MCPH1: variants seen among roughly 807,000 people sequenced by gnomAD.
MCPH1 encodes the protein microcephalin.
MCPH1 carries 104 observed loss-of-function variants against 84.5 expected under a neutral mutation model. That is an observed-to-expected ratio of 1.23 (90% CI 1.05 to 1.45). The LOEUF (loss-of-function observed/expected upper bound fraction) is 1.45, where lower values mean the gene tolerates loss of function less well. Among genes scored for constraint, MCPH1 ranks in the 40% most tolerant of loss-of-function variants. MCPH1 has a pLI of 0.00. For synonymous variants in MCPH1, 514 were observed against 366.8 expected, an observed-to-expected ratio of 1.40 and a Z score of -4.58; for missense variants, 1,498 against 1,005.7, an observed-to-expected ratio of 1.49 and a Z score of -6.62.
chr8:6,418,186 C>T (rs1275906118), intron 3 of MCPH1, among the ~76,000 whole-genome samples: 3 of 152,054 alleles, frequency 2.0e-5, no homozygotes, highest in Non-Finnish European at 2.9e-5. Flanking sequence ...GTCTCCTTCC[C>T]CTGGTCTCTT....
chr8:6,617,707 C>T (rs1052892706), intron 12 of MCPH1, among the ~76,000 whole-genome samples: 5 of 151,970 alleles, frequency 3.3e-5, no homozygotes, highest in Non-Finnish European at 7.4e-5. Flanking sequence ...GACAGGGTCT[C>T]GCTCTGTCAC....
intron 12 of MCPH1, among the ~76,000 whole-genome samples, chr8:6,614,801 C>A (rs988412566): frequency 1.3e-5 from 2 of 152,194 alleles, no homozygotes; most frequent in African/African-American, 4.8e-5. Context: ...CATTTGCACA[C>A]AGGAAGCCAG....
At chr8:6,613,999 G>T (rs987702443) in intron 12 of MCPH1, among the ~76,000 whole-genome samples, 1 of 152,060 alleles carries the variant, frequency 6.6e-6, no homozygotes, top group Non-Finnish European at 1.5e-5. Flanking sequence ...TTTTTCTAAG[G>T]TCCACAGGCT....
intron 12 of MCPH1, chr8:6,620,871 G>A (rs189693242): frequency 3.0e-4 from 48 of 160,244 alleles, no homozygotes; most frequent in African/African-American, 1.1e-3. Flanking sequence ...ACAATCTCGA[G>A]ACACCTCTCT....
At chr8:6,421,987 G>A (rs1049707281) in intron 3 of MCPH1, among the ~76,000 whole-genome samples, 1 of 152,184 alleles carries the variant, frequency 6.6e-6, no homozygotes, top group African/African-American at 2.4e-5. Flanking sequence ...TGCATTGCAA[G>A]GTCGCTTTAT....
At chr8:6,555,156 A>ATT (rs1824367501) in intron 12 of MCPH1, among the ~76,000 whole-genome samples, 2 of 151,898 alleles carry the variant, frequency 1.3e-5, no homozygotes, top group Admixed American at 6.6e-5. Context: ...ACTTCACATC[A>ATT]TTTTCTTTTT....
At chr8:6,618,420 C>T (rs1316687502) in intron 12 of MCPH1, 1 of 152,222 alleles carries the variant, frequency 6.6e-6, no homozygotes, top group East Asian at 1.9e-4. Context: ...ACATCCTAAA[C>T]ATTCGAGAGG....
intron 8 of MCPH1, among the ~76,000 whole-genome samples, chr8:6,451,685 G>A (rs868730069): frequency 3.3e-5 from 5 of 151,680 alleles, no homozygotes; most frequent in African/African-American, 1.2e-4. Context: ...ATATACCAAA[G>A]GTATCTCTGG....
chr8:6,455,849 T>C (rs1195514380), intron 9 of MCPH1, among the ~76,000 whole-genome samples: 1 of 152,194 alleles, frequency 6.6e-6, no homozygotes, highest in East Asian at 1.9e-4. Context: ...GTGCCTCATT[T>C]TTATGAGGCC....
intron 8 of MCPH1, among the ~76,000 whole-genome samples, chr8:6,450,465 A>G (rs1804967665): frequency 6.7e-6 from 1 of 150,224 alleles, no homozygotes; most frequent in African/African-American, 2.5e-5. Flanking sequence ...AGGGTCATTT[A>G]GGGATTAAGC....
chr8:6,590,233 T>C (rs1828342798), intron 12 of MCPH1, among the ~76,000 whole-genome samples: 1 of 151,524 alleles, frequency 6.6e-6, no homozygotes, highest in East Asian at 1.9e-4. Flanking sequence ...GATCCAACTA[T>C]GTAATCATTA....
intron 2 of MCPH1, among the ~76,000 whole-genome samples, chr8:6,413,597 TTCTTC>T (rs1183785067): frequency 1.3e-5 from 2 of 152,018 alleles, no homozygotes; most frequent in Non-Finnish European, 2.9e-5. Flanking sequence ...CGTCTTCTGG[TTCTTC>T]TCTTCTACTA....
At position 6,645,658 on chromosome 8, in the gene MCPH1, G is replaced by C. The variant is rs1283763615; in HGVS notation, c.*2609G>C. The C allele has an allele frequency of 8.3e-6, 1 of 120,200 alleles. No homozygotes were observed. The allele number at this position is 120,200 out of a possible 1,614,324, so 7.4% of individuals were successfully genotyped here. ...CAAGAACTTATAACAAGTTTAGCAA[G>C]ATTGCAATATACAATCTTGCAATCT... On this transcript the variant is annotated 3_prime_UTR_variant, in exon 14 of 14. Transcript: ENST00000344683.
chr8:6,626,478 T>TTG (rs1554486433), intron 13 of MCPH1: 58 of 926,050 alleles, frequency 6.3e-5, no homozygotes, highest in East Asian at 3.5e-4. Flanking sequence ...TGTTTTGTTT[T>TTG]TTTTTTTTTT....
chr8:6,540,683 T>C (rs753577626), intron 12 of MCPH1, among the ~76,000 whole-genome samples: 27 of 152,280 alleles, frequency 1.8e-4, no homozygotes, highest in Non-Finnish European at 3.2e-4. Flanking sequence ...TATGTGTGTG[T>C]ACCTCTGTCT....
At chr8:6,557,688 TACACACACAC>T (rs112788253) in intron 12 of MCPH1, among the ~76,000 whole-genome samples, 11 of 148,692 alleles carry the variant, frequency 7.4e-5, no homozygotes, top group Admixed American at 2.0e-4. Context: ...TATGTGTGTG[TACACACACAC>T]ACACACACAC....
At chr8:6,472,878 C>G (rs779140069) in intron 9 of MCPH1, among the ~76,000 whole-genome samples, 2 of 152,104 alleles carry the variant, frequency 1.3e-5, no homozygotes, top group Non-Finnish European at 2.9e-5. Flanking sequence ...GATCATGTAA[C>G]TTAGAAACAA....
At chr8:6,476,416 C>G (rs1251857994) in intron 9 of MCPH1, among the ~76,000 whole-genome samples, 4 of 88,442 alleles carry the variant, frequency 4.5e-5, no homozygotes, top group Non-Finnish European at 6.7e-5. Context: ...GCAACAAGAG[C>G]AAAACTCCAT....
At position 6,534,205 on chromosome 8, in the gene MCPH1, T is replaced by TA. The variant is rs113647753; in HGVS notation, c.2214+34286dup. Among the ~76,000 whole-genome samples the TA allele has an allele frequency of 2.1e-4, 32 of 150,454 alleles. No homozygotes were observed. In the South Asian group the frequency reaches 3.8e-3, roughly 18 times the overall value. ...GTTCAACCACACCATCAATATATTT[T>TA]AAAAAAAAAATAACAATACAACAAT... is the stretch of plus-strand genomic sequence containing the variant. On this transcript the variant is annotated intron_variant, in intron 12 of 13. Transcript: ENST00000344683.
Sources: allele counts gnomAD v4.1 joint callset (sites outside exome capture counted in the v4.1 genomes callset), GRCh38; gene constraint gnomAD v4.1.1; transcripts MANE v1.5; gene names NCBI Gene and HGNC (gene_info 2026-07-23, HGNC 2026-07-21).